CHN2: variants seen among roughly 807,000 people sequenced by gnomAD.
CHN2 encodes chimerin 2, also known as beta-chimaerin.
Under a neutral mutation model 56.3 loss-of-function variants are expected in CHN2, and 35 were observed. The observed-to-expected ratio is 0.62, with a 90% CI of 0.47 to 0.82. The LOEUF (loss-of-function observed/expected upper bound fraction) is 0.82, where lower values mean the gene tolerates loss of function less well. CHN2 is among the 40% of genes least tolerant of loss of function. CHN2 has a pLI of 0.00. For synonymous variants in CHN2, 210 were observed against 212.8 expected (o/e 0.99, Z 0.12); for missense variants, 491 against 580.5 (o/e 0.85, Z 1.58).
chr7:29,238,958 G>A (rs1787425723), intron 1 of CHN2, among the ~76,000 whole-genome samples: 1 of 152,252 alleles, frequency 6.6e-6, no homozygotes, highest in Non-Finnish European at 1.5e-5. Context: ...GATCTTAGGA[G>A]ATCGTGTAGG....
chr7:29,271,490 G>T (rs1790639533), intron 1 of CHN2, among the ~76,000 whole-genome samples: 1 of 152,174 alleles, frequency 6.6e-6, no homozygotes, highest in Non-Finnish European at 1.5e-5. Flanking sequence ...TTGGCTGGGT[G>T]CCTCCTAAGA....
chr7:29,362,503 G>A (rs1409568586), intron 2 of CHN2, among the ~76,000 whole-genome samples: 2 of 152,106 alleles, frequency 1.3e-5, no homozygotes, highest in African/African-American at 4.8e-5. Context: ...GCTCAAACAT[G>A]TGACTGTCCC....
At chr7:29,400,869 A>G (rs1246966922) in intron 6 of CHN2, 41 bp downstream of exon 6, 1 of 1,593,046 alleles carries the variant, frequency 6.3e-7, no homozygotes, top group Admixed American at 1.7e-5. Context: ...GTTTTAATCC[A>G]TGCCGCATCA....
chr7:29,413,218 GAAAGTT>G (rs1272764740), intron 6 of CHN2, among the ~76,000 whole-genome samples: 4 of 152,174 alleles, frequency 2.6e-5, no homozygotes, highest in African/African-American at 7.2e-5. Flanking sequence ...TATCAGAAGA[GAAAGTT>G]AAAGTTTACA....
intron 6 of CHN2, among the ~76,000 whole-genome samples, chr7:29,433,464 T>C (rs1782989701): frequency 6.6e-6 from 1 of 152,170 alleles, no homozygotes; most frequent in Non-Finnish European, 1.5e-5. Context: ...ATATAGATTT[T>C]TTAGAGTGAA....
chr7:29,322,574 G>A (rs1466950479), intron 1 of CHN2, among the ~76,000 whole-genome samples: 1 of 152,154 alleles, frequency 6.6e-6, no homozygotes, highest in African/African-American at 2.4e-5. Flanking sequence ...CTCCATAGAT[G>A]AAAGCTCTCT....
intron 1 of CHN2, among the ~76,000 whole-genome samples, chr7:29,251,905 A>G (rs191924410): frequency 1.6e-4 from 25 of 152,354 alleles, no homozygotes; most frequent in African/African-American, 6.0e-4. Context: ...AATAAGGGTG[A>G]CAGTGGTTTT....
intron 2 of CHN2, among the ~76,000 whole-genome samples, chr7:29,187,621 G>A (rs1324323690): frequency 1.3e-5 from 2 of 152,146 alleles, no homozygotes; most frequent in Middle Eastern, 3.4e-3. Flanking sequence ...CCAGCTACTC[G>A]GGAGGCTGAG....
chr7:29,374,066 G>A (rs967825333), intron 3 of CHN2, among the ~76,000 whole-genome samples: 4 of 152,206 alleles, frequency 2.6e-5, no homozygotes, highest in African/African-American at 9.6e-5. Flanking sequence ...GGCTTTATGT[G>A]TAGTAATCAG....
intron 1 of CHN2, among the ~76,000 whole-genome samples, chr7:29,287,301 C>T (rs1476939093): frequency 6.6e-6 from 1 of 152,118 alleles, no homozygotes; most frequent in African/African-American, 2.4e-5. Flanking sequence ...AAGAGGATGG[C>T]ACTAACACAG....
At chr7:29,445,592 C>A (rs1040451567) in intron 6 of CHN2, among the ~76,000 whole-genome samples, 1 of 151,928 alleles carries the variant, frequency 6.6e-6, no homozygotes. Context: ...GCAAAAGGAC[C>A]GTTTTTTCTT....
intron 1 of CHN2, among the ~76,000 whole-genome samples, chr7:29,273,368 TATATATATATATATATATATAC>T (rs1371085305): frequency 0.031 from 1,620 of 52,102 alleles, 112 homozygotes; most frequent in Admixed American, 0.058. Flanking sequence ...TATATATATA[TATATATATATATATATATATAC>T]ACACACCACA....
intron 1 of CHN2, among the ~76,000 whole-genome samples, chr7:29,331,523 C>T (rs1796212152): frequency 6.6e-6 from 1 of 152,118 alleles, no homozygotes; most frequent in South Asian, 2.1e-4. Flanking sequence ...CTCTTTCCTG[C>T]CCTGCCTTCC....
intron 1 of CHN2, among the ~76,000 whole-genome samples, chr7:29,234,281 A>G (rs555086689): frequency 2.8e-4 from 43 of 152,356 alleles, no homozygotes; most frequent in African/African-American, 1.0e-3. Context: ...GAATGAAAAT[A>G]TTAGTTGTTT....
chr7:29,274,191 A>G (rs915279048), intron 1 of CHN2, among the ~76,000 whole-genome samples: 3 of 152,200 alleles, frequency 2.0e-5, no homozygotes, highest in East Asian at 1.9e-4. Flanking sequence ...TGAACGTCCT[A>G]TTGGACAGGC....
intron 1 of CHN2, among the ~76,000 whole-genome samples, chr7:29,290,740 C>T (rs572550920): frequency 6.6e-6 from 1 of 152,244 alleles, no homozygotes; most frequent in East Asian, 1.9e-4. Context: ...TTAATGGTGG[C>T]AAATCCATTC....
At chr7:29,414,306 A>G (rs562155727) in intron 6 of CHN2, among the ~76,000 whole-genome samples, 12 of 152,252 alleles carry the variant, frequency 7.9e-5, no homozygotes, top group African/African-American at 2.9e-4. Context: ...ATACATGGAG[A>G]TTTTAATGCA....
At chr7:29,334,701 A>G (rs1796482665) in intron 1 of CHN2, 1 of 152,418 alleles carries the variant, frequency 6.6e-6, no homozygotes, top group Non-Finnish European at 1.5e-5. Context: ...GGCTGCAGTG[A>G]GCTGTGATTG....
At chr7:29,435,734 T>G (rs1441346190) in intron 6 of CHN2, among the ~76,000 whole-genome samples, 11 of 152,286 alleles carry the variant, frequency 7.2e-5, no homozygotes, top group African/African-American at 2.6e-4. Context: ...TCCAGGTAAC[T>G]CTGATACAGG....
Sources: gnomAD v4.1 joint callset for allele counts (sites outside exome capture counted in the v4.1 genomes callset) on GRCh38, gnomAD v4.1.1 for gene constraint, MANE v1.5 for transcripts, NCBI Gene and HGNC (gene_info 2026-07-23, HGNC 2026-07-21) for gene names.